Variants in LRFN5 observed in about 807,000 individuals in gnomAD.
LRFN5 encodes the protein leucine-rich repeat and fibronectin type-III domain-containing protein 5.
Under a neutral mutation model 45.6 loss-of-function variants are expected in LRFN5, and 24 were observed. The ratio of observed to expected loss-of-function variants is 0.53; its 90% confidence interval spans 0.38 to 0.74. LRFN5 has a LOEUF of 0.74. LRFN5 is among the 30% of genes least tolerant of loss of function. The probability of loss-of-function intolerance (pLI) is 0.00; values close to 1 mark genes in which losing one functional copy is unlikely to be tolerated. For missense variants in LRFN5, 776 were observed against 861.5 expected (o/e 0.90, Z 1.24); for synonymous variants, 340 against 313.8 (o/e 1.08, Z -0.88).
intron 2 of LRFN5, among the ~76,000 whole-genome samples, chr14:41,812,144 T>C (rs1310003800): frequency 1.3e-5 from 2 of 152,050 alleles, no homozygotes; most frequent in South Asian, 2.1e-4. Flanking sequence ...CAATTTTTCA[T>C]TTAACAGAAA....
chr14:41,650,620 T>C (rs965859444), intron 1 of LRFN5, among the ~76,000 whole-genome samples: 2 of 152,106 alleles, frequency 1.3e-5, no homozygotes, highest in African/African-American at 4.8e-5. Flanking sequence ...AAAATCCACA[T>C]TGAATAATCT....
At chr14:41,755,406 CTT>C (rs1269395952) in intron 1 of LRFN5, among the ~76,000 whole-genome samples, 1 of 152,106 alleles carries the variant, frequency 6.6e-6, no homozygotes, top group Admixed American at 6.5e-5. Flanking sequence ...GTCTAAGTCT[CTT>C]TGTAGGTCTC....
intron 1 of LRFN5, among the ~76,000 whole-genome samples, chr14:41,682,960 A>G (rs1307740577): frequency 1.3e-5 from 2 of 152,154 alleles, no homozygotes; most frequent in African/African-American, 4.8e-5. Flanking sequence ...TCCTTCTGTG[A>G]GGCCAGTATT....
At chr14:41,742,351 A>C (rs1884736981) in intron 1 of LRFN5, among the ~76,000 whole-genome samples, 1 of 148,146 alleles carries the variant, frequency 6.8e-6, no homozygotes. Context: ...ACACACTAGA[A>C]TAATATACAG....
chr14:41,685,302 C>T (rs1156373649), intron 1 of LRFN5, among the ~76,000 whole-genome samples: 1 of 152,106 alleles, frequency 6.6e-6, no homozygotes, highest in Non-Finnish European at 1.5e-5. Context: ...TAGTTATATA[C>T]ACAAAAGAAA....
At chr14:41,717,164 T>C (rs1566634373) in intron 1 of LRFN5, among the ~76,000 whole-genome samples, 1 of 152,202 alleles carries the variant, frequency 6.6e-6, no homozygotes, top group Admixed American at 6.5e-5. Context: ...AAAAAGAATG[T>C]AAATGGTGAA....
At chr14:41,835,132 T>A (rs2139040846) in intron 2 of LRFN5, among the ~76,000 whole-genome samples, 1 of 152,190 alleles carries the variant, frequency 6.6e-6, no homozygotes, top group East Asian at 1.9e-4. Flanking sequence ...AAAAACAAAG[T>A]GAGGTGTAAA....
At chr14:41,781,900 G>T (rs935447899) in intron 2 of LRFN5, among the ~76,000 whole-genome samples, 3 of 151,956 alleles carry the variant, frequency 2.0e-5, no homozygotes, top group East Asian at 3.9e-4. Flanking sequence ...CTGATGGGAA[G>T]CCCAATGCAA....
rs1437404276 is a variant in LRFN5 at position 41,904,196 on chromosome 14, T to A, written c.*21T>A. The stretch of plus-strand genomic sequence containing the variant: ...TCTGAAGAGCACCACTTCTCCTCTC[T>A]CTCCTGAAAAAATTTGCCACTGATA... On this transcript the variant is annotated 3_prime_UTR_variant, in exon 6 of 6. Coordinates refer to ENST00000298119, the MANE Select transcript of LRFN5 (RefSeq NM_152447.5). 3 of 1,609,588 alleles carry A rather than the reference T, an allele frequency of 1.9e-6. No homozygotes were observed. The highest frequency in any genetic ancestry group is 1.7e-6 in the Non-Finnish European group (2 of 1,178,850).
intron 1 of LRFN5, among the ~76,000 whole-genome samples, chr14:41,673,848 C>T (rs1266766471): frequency 1.4e-5 from 2 of 144,556 alleles, no homozygotes; most frequent in Non-Finnish European, 3.1e-5. Context: ...GGGCGGGGGG[C>T]TGAACCCCCT....
At chr14:41,863,131 C>A (rs1299473668) in intron 2 of LRFN5, among the ~76,000 whole-genome samples, 1 of 152,162 alleles carries the variant, frequency 6.6e-6, no homozygotes, top group African/African-American at 2.4e-5. Context: ...CCCCAAAGTA[C>A]TGGGATTATA....
At chr14:41,876,000 T>A (rs1270512114) in intron 2 of LRFN5, among the ~76,000 whole-genome samples, 1 of 152,118 alleles carries the variant, frequency 6.6e-6, no homozygotes, top group African/African-American at 2.4e-5. Flanking sequence ...GATACATATA[T>A]AACCTGAAAG....
chr14:41,845,176 G>T (rs1043154569), intron 2 of LRFN5, among the ~76,000 whole-genome samples: 3 of 151,952 alleles, frequency 2.0e-5, no homozygotes, highest in Admixed American at 1.3e-4. Flanking sequence ...TCCAGTTACG[G>T]TTTAGCTAGA....
At chr14:41,712,450 C>T (rs868729735) in intron 1 of LRFN5, among the ~76,000 whole-genome samples, 11 of 151,984 alleles carry the variant, frequency 7.2e-5, no homozygotes, top group African/African-American at 1.7e-4. Flanking sequence ...CTGAATTTTG[C>T]GTTAGTTTTG....
intron 2 of LRFN5, among the ~76,000 whole-genome samples, chr14:41,828,736 G>A (rs182041605): frequency 7.9e-5 from 12 of 151,824 alleles, no homozygotes; most frequent in Admixed American, 6.6e-5. Context: ...GTGATAGTCA[G>A]GGACACTACT....
At chr14:41,717,422 A>G (rs1883537279) in intron 1 of LRFN5, among the ~76,000 whole-genome samples, 1 of 152,212 alleles carries the variant, frequency 6.6e-6, no homozygotes, top group Non-Finnish European at 1.5e-5. Context: ...TGCTAGATGT[A>G]AACACCAAAA....
intron 2 of LRFN5, among the ~76,000 whole-genome samples, chr14:41,828,773 T>C (rs539516843): frequency 6.6e-6 from 1 of 152,112 alleles, no homozygotes; most frequent in East Asian, 1.9e-4. Flanking sequence ...AATAATGTTA[T>C]AACTTTCTCC....
Position 41,887,898 on chromosome 14 carries a change from G to A in LRFN5, c.1273G>A (p.Glu425Lys), listed in dbSNP as rs778197251. ...GAGTCAAGATAAAATTGTGGTGGCAGAAGCTACATCATCAACGGCACTACT... is the reference window on the plus strand; with the variant it reads ...GAGTCAAGATAAAATTGTGGTGGCAAAAGCTACATCATCAACGGCACTACT... Reference protein sequence around the residue: ...KLSQDKIVVAEATSSTALLKF... With the variant: ...KLSQDKIVVAKATSSTALLKF... Residue 425 changes from glutamate (E) to lysine (K), a missense_variant, in exon 3 of 6, where the codon GAA becomes AAA. By Grantham distance (56) the Glu-to-Lys change is moderately conservative (BLOSUM62 1). This residue lies in a region of LRFN5 where 465 missense variants were observed against 456.4 expected (regional missense o/e 1.02). Coordinates refer to ENST00000298119, the MANE Select transcript of LRFN5 (RefSeq NM_152447.5). This position sits in a 1 kb window ranked among gnomAD's most constrained non-coding sequence, Gnocchi z 4.8. 1.9e-6 allele frequency: 3 copies of A among 1,613,952 alleles called. No homozygotes were observed. The East Asian group carries it at 6.7e-5, about 36-fold the overall frequency.
chr14:41,740,450 G>GA (rs1316991258), intron 1 of LRFN5, among the ~76,000 whole-genome samples: 3 of 151,632 alleles, frequency 2.0e-5, no homozygotes, highest in East Asian at 1.9e-4. Context: ...ATATGATACA[G>GA]AAAAAAACAT....
Sources: allele counts gnomAD v4.1 joint callset (sites outside exome capture counted in the v4.1 genomes callset), GRCh38; gene constraint gnomAD v4.1.1; regional missense constraint gnomAD v4.1.1; non-coding constraint Gnocchi (gnomAD v3.1); transcripts MANE v1.5; gene names NCBI Gene and HGNC (gene_info 2026-07-23, HGNC 2026-07-21).